The following CCDC88A variants were observed in gnomAD, a reference collection of about 807,000 sequenced individuals.
CCDC88A encodes the protein girdin.
A neutral mutation model predicts 234.3 loss-of-function variants in CCDC88A; 54 were observed. The observed-to-expected ratio is 0.23, with a 90% CI of 0.19 to 0.29. CCDC88A has a LOEUF of 0.29. Ranked by LOEUF, CCDC88A falls within the 10% of genes least tolerant of loss-of-function variation. The pLI, the probability that CCDC88A is intolerant of heterozygous loss-of-function variation, is 1.00. For missense variants in CCDC88A, 1,832 were observed against 2,123.4 expected (o/e 0.86, Z 2.70); for synonymous variants, 753 against 737.8 (o/e 1.02, Z -0.33).
intron 3 of CCDC88A, among the ~76,000 whole-genome samples, chr2:55,376,860 CT>C (rs1475094395): frequency 2.0e-5 from 3 of 152,120 alleles, no homozygotes. Context: ...GAGACGGAGT[CT>C]CGCTCTGTCA....
At chr2:55,349,707 T>A in intron 8 of CCDC88A, 108 bp from the exon 9 acceptor site, 1 of 683,972 alleles carries the variant, frequency 1.5e-6, no homozygotes, top group Non-Finnish European at 2.5e-6. Flanking sequence ...TTGGACATAG[T>A]ATTAGCCATA....
At chr2:55,361,281 C>A (rs1671276179) in intron 7 of CCDC88A, among the ~76,000 whole-genome samples, 2 of 151,986 alleles carry the variant, frequency 1.3e-5, no homozygotes, top group African/African-American at 4.8e-5. Flanking sequence ...GTTAAAAAAT[C>A]TGATTGAAAA....
In CCDC88A at chr2:55,295,641, T is replaced by A; in HGVS notation, c.5507A>T (p.Asp1836Val). The A allele has an allele frequency of 1.9e-6, 3 of 1,614,234 alleles. No homozygotes were observed. Among genetic ancestry groups the A allele is most frequent in the Non-Finnish European group, 2.5e-6 (3 of 1,180,038 alleles). ...TKDSRLPISV[D>V]SPPAAADSNT... ...GCTGTCAGCAGCAGCTGGTGGTGAA[T>A]CAACTGATATAGGCAGTCTACTGTC... The change falls in exon 31 of 33, where the codon GAT (aspartate) becomes GTT (valine). Residue 1836 changes from aspartate (D) to valine (V), a missense_variant. Coordinates refer to ENST00000436346, the MANE Select transcript of CCDC88A (RefSeq NM_001365480.1).
rs75453574 is a variant in CCDC88A, at chr2:55,373,608, T to C, written c.344-1098A>G. ...CCAAACCATAAGAGCTTCTAGAACA[T>C]AGACCATTTATTTCCACTCCTGGTC... On this transcript the variant is annotated intron_variant, in intron 4 of 32. Transcript: ENST00000436346. Among the ~76,000 whole-genome samples, 512 of 152,356 alleles carry C rather than the reference T, an allele frequency of 3.4e-3. 3 individuals carry two copies. The highest frequency in any genetic ancestry group is 0.01 in the African/African-American group (430 of 41,584).
intron 5 of CCDC88A, among the ~76,000 whole-genome samples, chr2:55,366,739 C>T (rs1013084856): frequency 7.2e-5 from 11 of 152,040 alleles, no homozygotes; most frequent in African/African-American, 2.4e-4. Context: ...TTTTCAATAC[C>T]TGCTCTATGA....
intron 22 of CCDC88A, 126 bp downstream of exon 22, chr2:55,315,802 C>A (rs1465083160): frequency 2.0e-6 from 1 of 489,360 alleles, no homozygotes. Context: ...TGATCCTAGA[C>A]CAAATTCTTT....
intron 29 of CCDC88A, among the ~76,000 whole-genome samples, chr2:55,297,321 T>A (rs1680196447): frequency 2.1e-5 from 2 of 95,580 alleles, no homozygotes; most frequent in Admixed American, 3.0e-4. Flanking sequence ...TATAAATATA[T>A]AATATATAAT....
intron 2 of CCDC88A, among the ~76,000 whole-genome samples, chr2:55,412,309 G>A (rs1045454806): frequency 1.3e-5 from 2 of 151,806 alleles, no homozygotes; most frequent in Non-Finnish European, 1.5e-5. Context: ...GACTTCACAA[G>A]GTATTAAAGG....
At chr2:55,375,847 TAA>T (rs1348819687) in intron 3 of CCDC88A, among the ~76,000 whole-genome samples, 2 of 151,956 alleles carry the variant, frequency 1.3e-5, no homozygotes, top group African/African-American at 4.8e-5. Context: ...ATATAATAAA[TAA>T]GAGAGCTATA....
intron 8 of CCDC88A, among the ~76,000 whole-genome samples, chr2:55,350,889 C>A (rs1669790702): frequency 6.6e-6 from 1 of 152,062 alleles, no homozygotes; most frequent in South Asian, 2.1e-4. Flanking sequence ...TGGCCTCAAG[C>A]AATCTTCCTG....
intron 3 of CCDC88A, among the ~76,000 whole-genome samples, chr2:55,384,527 A>ATGTG (rs376696224): frequency 0.44 from 38,234 of 86,494 alleles, 15,626 homozygotes; most frequent in Admixed American, 0.57. Context: ...AATTATATAT[A>ATGTG]TATACATATA....
intron 2 of CCDC88A, among the ~76,000 whole-genome samples, chr2:55,401,169 C>T (rs1243355770): frequency 6.6e-6 from 1 of 151,596 alleles, no homozygotes; most frequent in Non-Finnish European, 1.5e-5. Flanking sequence ...GTGGCTCATA[C>T]CCATAATCCC....
chr2:55,333,310 G>GA (rs1016938204), intron 15 of CCDC88A, among the ~76,000 whole-genome samples: 4 of 152,022 alleles, frequency 2.6e-5, no homozygotes, highest in Non-Finnish European at 4.4e-5. Context: ...TTAGAGATGG[G>GA]AAAAAAAGAG....
At chr2:55,393,598 C>G (rs572249921) in intron 2 of CCDC88A, among the ~76,000 whole-genome samples, 1 of 152,042 alleles carries the variant, frequency 6.6e-6, no homozygotes, top group Admixed American at 6.6e-5. Context: ...CCAGCCAAAA[C>G]TATAGAGTTT....
chr2:55,362,519 C>T, intron 6 of CCDC88A, 71 bp from the exon 7 acceptor site: 2 of 1,273,924 alleles, frequency 1.6e-6, no homozygotes, highest in East Asian at 2.6e-5. Flanking sequence ...CACTATAGTA[C>T]AATATTAGCC....
chr2:55,296,244 T>A lies in CCDC88A; in HGVS notation c.5091+14A>T. 1 of 1,609,580 alleles carries A rather than the reference T, an allele frequency of 6.2e-7. No individual in the cohort carries two copies. Among genetic ancestry groups the A allele is most frequent in the Non-Finnish European group, 8.5e-7 (1 of 1,178,006 alleles). ...GTGTTCATCTAAATTAAGGTCATCA[T>A]AGATAAAACTAACCTGTACTGAGGT... On this transcript the variant is annotated intron_variant, in intron 30 of 32. Coordinates refer to ENST00000436346, the MANE Select transcript of CCDC88A (RefSeq NM_001365480.1).
Position 55,355,653 on chromosome 2 carries a change from T to G in CCDC88A, c.726A>C (p.Arg242=). 1 of 1,614,118 alleles carries G rather than the reference T, an allele frequency of 6.2e-7. No homozygotes were observed. The highest frequency in any genetic ancestry group is 1.1e-5 in the South Asian group (1 of 91,072). The change falls in exon 8 of 33, where the codon CGA becomes CGC. Residue 242 remains arginine, a synonymous_variant. Transcript: ENST00000436346. ...QSPCGSPGMK[R]TESRQHLSVE... The stretch of plus-strand genomic sequence containing the variant: ...CCGACAGATGTTGTCGACTTTCTGT[T>G]CGCTTCATGCCTGGAGAACCACAGG...
intron 31 of CCDC88A, chr2:55,294,478 T>C (rs1679788761): frequency 4.5e-6 from 4 of 886,866 alleles, no homozygotes; most frequent in Non-Finnish European, 4.1e-6. Context: ...ATTTGTTATA[T>C]AAAGTGTTGA....
chr2:55,402,699 T>C (rs1678903747), intron 2 of CCDC88A, among the ~76,000 whole-genome samples: 3 of 111,354 alleles, frequency 2.7e-5, no homozygotes, highest in African/African-American at 9.1e-5. Flanking sequence ...TCGGCACATT[T>C]TATTACTATT....
Sources: gnomAD v4.1 joint callset for allele counts (sites outside exome capture counted in the v4.1 genomes callset) on GRCh38, gnomAD v4.1.1 for gene constraint, MANE v1.5 for transcripts, NCBI Gene and HGNC (gene_info 2026-07-23, HGNC 2026-07-21) for gene names.